DLGAP1: variants seen among roughly 807,000 people sequenced by gnomAD.
The protein encoded by DLGAP1 is disks large-associated protein 1.
DLGAP1 carries 11 observed loss-of-function variants against 90.8 expected under a neutral mutation model. That is an observed-to-expected ratio of 0.12 (90% confidence interval 0.08 to 0.20). The LOEUF (loss-of-function observed/expected upper bound fraction) is 0.20, where lower values mean the gene tolerates loss of function less well. Ranked by LOEUF, DLGAP1 falls within the 10% of genes least tolerant of loss-of-function variation. The pLI, the probability that DLGAP1 is intolerant of heterozygous loss-of-function variation, is 1.00. For missense variants in DLGAP1, 1,050 were observed against 1,333.8 expected (o/e 0.79, Z 3.31); for synonymous variants, 558 against 540.7 (o/e 1.03, Z -0.44).
intron 3 of DLGAP1, among the ~76,000 whole-genome samples, chr18:3,967,926 C>A (rs1014627681): frequency 2.0e-5 from 3 of 152,096 alleles, no homozygotes; most frequent in African/African-American, 7.2e-5. Flanking sequence ...GAGAGGCAAG[C>A]CATACTTCCC....
intron 1 of DLGAP1, among the ~76,000 whole-genome samples, chr18:4,275,935 T>C (rs2079402176): frequency 6.6e-6 from 1 of 152,096 alleles, no homozygotes; most frequent in South Asian, 2.1e-4. Context: ...CAGAAAGTTA[T>C]TCTTGAACTG....
At chr18:3,907,068 C>A (rs1370375172) in intron 3 of DLGAP1, among the ~76,000 whole-genome samples, 2 of 151,998 alleles carry the variant, frequency 1.3e-5, no homozygotes, top group African/African-American at 4.8e-5. Flanking sequence ...TATGCATATG[C>A]AATTATATGT....
chr18:4,390,290 C>G (rs1222776674), intron 1 of DLGAP1, among the ~76,000 whole-genome samples: 2 of 152,086 alleles, frequency 1.3e-5, no homozygotes, highest in East Asian at 1.9e-4. Context: ...CCCCTGTCCC[C>G]ACATGTTCAC....
intron 2 of DLGAP1, among the ~76,000 whole-genome samples, chr18:4,117,435 ATGT>A (rs1223571561): frequency 6.6e-6 from 1 of 152,132 alleles, no homozygotes; most frequent in African/African-American, 2.4e-5. Context: ...CAGGGGGTTG[ATGT>A]TGTTGTCTTG....
chr18:4,337,229 T>C (rs1766425172), intron 1 of DLGAP1, among the ~76,000 whole-genome samples: 1 of 148,364 alleles, frequency 6.7e-6, no homozygotes, highest in Non-Finnish European at 1.5e-5. Context: ...GGTCTCACTT[T>C]GTCACCCAAG....
intron 2 of DLGAP1, among the ~76,000 whole-genome samples, chr18:4,021,844 C>G (rs2074615230): frequency 6.6e-6 from 1 of 152,194 alleles, no homozygotes; most frequent in African/African-American, 2.4e-5. Flanking sequence ...GGTGATCTGC[C>G]TGTCTCAGCC....
intron 2 of DLGAP1, among the ~76,000 whole-genome samples, chr18:4,014,718 A>G (rs2074491101): frequency 6.6e-6 from 1 of 152,218 alleles, no homozygotes. Flanking sequence ...AAAAAGACCC[A>G]AATAGTTATT....
At chr18:4,195,931 G>C (rs933944619) in intron 1 of DLGAP1, among the ~76,000 whole-genome samples, 6 of 152,230 alleles carry the variant, frequency 3.9e-5, no homozygotes, top group African/African-American at 1.2e-4. Flanking sequence ...TAAACCTTAG[G>C]AATAAGAAAA....
At chr18:3,846,202 C>T (rs1369176566) in intron 4 of DLGAP1, among the ~76,000 whole-genome samples, 1 of 152,068 alleles carries the variant, frequency 6.6e-6, no homozygotes, top group African/African-American at 2.4e-5. Flanking sequence ...TCTGCAACCA[C>T]ATCAGCAAGA....
At chr18:3,564,653 A>G (rs2054331870) in intron 9 of DLGAP1, among the ~76,000 whole-genome samples, 1 of 152,072 alleles carries the variant, frequency 6.6e-6, no homozygotes, top group Admixed American at 6.6e-5. Flanking sequence ...AGCTCTCCCT[A>G]TGACTGGGTT....
At chr18:4,136,826 TAG>T (rs2076408749) in intron 2 of DLGAP1, among the ~76,000 whole-genome samples, 1 of 152,196 alleles carries the variant, frequency 6.6e-6, no homozygotes, top group Non-Finnish European at 1.5e-5. Context: ...CCCAATATTC[TAG>T]AGAGTTTCCC....
Position 3,580,734 on chromosome 18 carries a change from G to A in DLGAP1, c.1965+1141C>T, listed in dbSNP as rs1599352098. The A allele has an allele frequency of 2.5e-6, 4 of 1,613,718 alleles. No individual in the cohort carries two copies. In the South Asian group the frequency reaches 3.3e-5, roughly 13 times the overall value. Reference sequence around the variant, plus strand: ...CCACAGGCCTCTCAGGACCAGGACAGCCACGCACCATCCCCTCAGGTGTGA... The same window carrying A: ...CCACAGGCCTCTCAGGACCAGGACAACCACGCACCATCCCCTCAGGTGTGA... On this transcript the variant is annotated intron_variant, in intron 8 of 12. Transcript: ENST00000315677.
chr18:3,924,045 C>A (rs114192609), intron 3 of DLGAP1, among the ~76,000 whole-genome samples: 2 of 152,320 alleles, frequency 1.3e-5, no homozygotes, highest in African/African-American at 2.4e-5. Context: ...AGACATGGAA[C>A]CTTCACATCT....
intron 5 of DLGAP1, among the ~76,000 whole-genome samples, chr18:3,745,569 A>T (rs1378059538): frequency 2.0e-5 from 3 of 152,202 alleles, no homozygotes; most frequent in Non-Finnish European, 4.4e-5. Flanking sequence ...TCCACACGAA[A>T]ATTAAATGTG....
Position 4,358,737 on chromosome 18 carries a change from T to G in DLGAP1, c.-267+96269A>C, listed in dbSNP as rs865939697. On this transcript the variant is annotated intron_variant, in intron 1 of 12. Transcript: ENST00000315677. ...TCTTGCCTGCAGAGAGCAGGGCTCC[T>G]GTCTGCTTTGGGCCTAGGGCTGAGC... Among the ~76,000 whole-genome samples the G allele has an allele frequency of 4.7e-4, 71 of 152,370 alleles. 1 individual carries two copies. The highest frequency in any genetic ancestry group is 1.6e-3 in the African/African-American group (67 of 41,592).
chr18:3,563,881 G>T (rs1434753250), intron 9 of DLGAP1, among the ~76,000 whole-genome samples: 9 of 152,278 alleles, frequency 5.9e-5, no homozygotes, highest in South Asian at 2.1e-4. Flanking sequence ...GCCCATCAAA[G>T]ATATTCTTTG....
At chr18:4,251,348 A>G (rs7243004) in intron 1 of DLGAP1, among the ~76,000 whole-genome samples, 3 of 152,262 alleles carry the variant, frequency 2.0e-5, no homozygotes, top group East Asian at 1.9e-4. Context: ...TTGACTTTAC[A>G]GATGGAAGCA....
chr18:4,001,303 T>C (rs1192710432), intron 3 of DLGAP1, among the ~76,000 whole-genome samples: 1 of 152,084 alleles, frequency 6.6e-6, no homozygotes, highest in East Asian at 1.9e-4. Context: ...CTTAAAATTC[T>C]GGGTTATGCT....
chr18:3,521,041 C>A (rs941990037), intron 10 of DLGAP1, among the ~76,000 whole-genome samples: 1 of 152,124 alleles, frequency 6.6e-6, no homozygotes, highest in Non-Finnish European at 1.5e-5. Context: ...AAAATGTAAT[C>A]CTGAGCTCAC....
Sources: allele counts gnomAD v4.1 joint callset (sites outside exome capture counted in the v4.1 genomes callset), GRCh38; gene constraint gnomAD v4.1.1; transcripts MANE v1.5; gene names NCBI Gene and HGNC (gene_info 2026-07-23, HGNC 2026-07-21).